The following NAV2 variants were observed in gnomAD, a reference collection of about 807,000 sequenced individuals.
NAV2 encodes the protein helicase, APC down-regulated 1.
NAV2 carries 54 observed loss-of-function variants against 223.2 expected under a neutral mutation model. The ratio of observed to expected loss-of-function variants is 0.24; its 90% CI spans 0.19 to 0.30. NAV2 has a LOEUF of 0.30. Among genes scored for constraint, NAV2 ranks in the 10% least tolerant of loss-of-function variants. NAV2 has a pLI of 1.00. For synonymous variants in NAV2, 1,279 were observed against 1,239.3 expected, an observed-to-expected ratio of 1.03 and a Z score of -0.67; for missense variants, 2,806 against 3,147.5, an observed-to-expected ratio of 0.89 and a Z score of 2.60.
intron 1 of NAV2, among the ~76,000 whole-genome samples, chr11:19,646,417 A>G (rs2047818252): frequency 6.6e-6 from 1 of 152,342 alleles, no homozygotes; most frequent in East Asian, 1.9e-4. Flanking sequence ...TGGGGCAGAG[A>G]AAGTTTGGCA....
intron 1 of NAV2, among the ~76,000 whole-genome samples, chr11:19,669,584 GC>G (rs1252737864): frequency 1.3e-5 from 2 of 152,240 alleles, no homozygotes; most frequent in Non-Finnish European, 2.9e-5. Context: ...CAAAGGTTAG[GC>G]ATTGGGTACC....
chr11:19,353,342 T>C (rs1853435061), intron 1 of NAV2, among the ~76,000 whole-genome samples: 1 of 152,234 alleles, frequency 6.6e-6, no homozygotes, highest in African/African-American at 2.4e-5. Context: ...AGCTTGGTGA[T>C]TGCTGGGGGT....
chr11:20,047,519 A>G (rs1337092888), intron 14 of NAV2, among the ~76,000 whole-genome samples: 1 of 152,198 alleles, frequency 6.6e-6, no homozygotes, highest in African/African-American at 2.4e-5. Context: ...AAAGTGGATG[A>G]GATTTGGGTT....
intron 10 of NAV2, chr11:19,981,254 A>G (rs1409431606): frequency 6.6e-6 from 1 of 152,222 alleles, no homozygotes; most frequent in Non-Finnish European, 1.5e-5. Flanking sequence ...GTTCCATTTC[A>G]GTCCCATTTC....
chr11:19,617,303 C>A (rs994490431), intron 1 of NAV2, among the ~76,000 whole-genome samples: 1 of 152,086 alleles, frequency 6.6e-6, no homozygotes, highest in Non-Finnish European at 1.5e-5. Flanking sequence ...AGGAGGACAT[C>A]TTAGGAGGAT....
At chr11:19,409,343 C>G (rs918995189) in intron 1 of NAV2, among the ~76,000 whole-genome samples, 4 of 152,182 alleles carry the variant, frequency 2.6e-5, no homozygotes, top group Admixed American at 2.6e-4. Context: ...CATTGTTTTT[C>G]TGGTCTTTCA....
intron 1 of NAV2, among the ~76,000 whole-genome samples, chr11:19,611,775 T>C (rs1300060515): frequency 1.3e-5 from 2 of 152,218 alleles, no homozygotes; most frequent in Non-Finnish European, 2.9e-5. Flanking sequence ...GTTGAGTGTC[T>C]GTGGCTTTTC....
At chr11:19,741,982 T>C (rs1360225044) in intron 1 of NAV2, among the ~76,000 whole-genome samples, 1 of 150,204 alleles carries the variant, frequency 6.7e-6, no homozygotes, top group Admixed American at 6.8e-5. Flanking sequence ...GGGTTACCTT[T>C]TCTCCACATC....
chr11:19,593,629 G>T (rs922388426), intron 1 of NAV2, among the ~76,000 whole-genome samples: 1 of 152,166 alleles, frequency 6.6e-6, no homozygotes, highest in Non-Finnish European at 1.5e-5. Context: ...AACTCTTTCC[G>T]AGAGTGGCTG....
In NAV2 at chr11:19,654,527, C is replaced by T. The variant is rs377005991; in HGVS notation, c.76-177957C>T. Among the ~76,000 whole-genome samples, 3 of 152,136 alleles carry T rather than the reference C, an allele frequency of 2.0e-5. No homozygotes were observed. The South Asian group carries it at 6.2e-4, about 31-fold the overall frequency. On this transcript the variant is annotated intron_variant, in intron 1 of 37. Transcript: ENST00000360655. ...CTACAGTAACCAAAACAGCATGGTACTGGTACCAAAACAGAGTTATAGACC... is the reference window on the plus strand; with the variant it reads ...CTACAGTAACCAAAACAGCATGGTATTGGTACCAAAACAGAGTTATAGACC...
intron 1 of NAV2, among the ~76,000 whole-genome samples, chr11:19,466,221 G>T (rs1852344431): frequency 6.6e-6 from 1 of 152,194 alleles, no homozygotes; most frequent in African/African-American, 2.4e-5. Flanking sequence ...AAGGGAATGG[G>T]TTGGATATTT....
intron 1 of NAV2, among the ~76,000 whole-genome samples, chr11:19,806,451 C>T (rs1240057847): frequency 6.6e-6 from 1 of 152,174 alleles, no homozygotes; most frequent in African/African-American, 2.4e-5. Context: ...CATGATCAGG[C>T]CTGGGGCCAG....
chr11:19,422,439 G>C (rs1850655235), intron 1 of NAV2, among the ~76,000 whole-genome samples: 1 of 152,292 alleles, frequency 6.6e-6, no homozygotes, highest in Admixed American at 6.5e-5. Flanking sequence ...GCAATTAGGG[G>C]CTGAAAGAAA....
intron 1 of NAV2, among the ~76,000 whole-genome samples, chr11:19,614,217 G>A (rs1354196695): frequency 6.6e-6 from 1 of 152,132 alleles, no homozygotes; most frequent in African/African-American, 2.4e-5. Flanking sequence ...AAATCTGGTG[G>A]GGGTTGAAGA....
chr11:19,828,286 A>T (rs1181046805), intron 1 of NAV2, among the ~76,000 whole-genome samples: 1 of 152,156 alleles, frequency 6.6e-6, no homozygotes, highest in Non-Finnish European at 1.5e-5. Context: ...CATCACCATT[A>T]TTTATCTCCA....
intron 11 of NAV2, among the ~76,000 whole-genome samples, chr11:19,988,061 C>T (rs547538621): frequency 1.6e-4 from 24 of 152,192 alleles, no homozygotes; most frequent in Non-Finnish European, 2.8e-4. Context: ...CCTCTCAGAA[C>T]CCATCAAAAG....
At chr11:19,387,061 C>A (rs571076494) in intron 1 of NAV2, among the ~76,000 whole-genome samples, 1 of 152,264 alleles carries the variant, frequency 6.6e-6, no homozygotes, top group African/African-American at 2.4e-5. Context: ...TCAAAATTTT[C>A]TTTGATAATT....
intron 1 of NAV2, among the ~76,000 whole-genome samples, chr11:19,369,678 T>C (rs571995595): frequency 6.6e-6 from 1 of 152,304 alleles, no homozygotes; most frequent in East Asian, 1.9e-4. Context: ...ACAGAATCAA[T>C]GCTCAGTTAA....
At chr11:20,068,139 T>C (rs1219968618) in intron 20 of NAV2, 47 bp from the exon 21 acceptor site, 4 of 1,582,470 alleles carry the variant, frequency 2.5e-6, no homozygotes, top group Non-Finnish European at 3.5e-6. Context: ...GACTACACTA[T>C]TCTTTGTTCC....
Sources: allele counts gnomAD v4.1 joint callset (sites outside exome capture counted in the v4.1 genomes callset), GRCh38; gene constraint gnomAD v4.1.1; transcripts MANE v1.5; gene names NCBI Gene and HGNC (gene_info 2026-07-23, HGNC 2026-07-21).